Variants in SLC14A2 observed in about 807,000 individuals in gnomAD.
SLC14A2 encodes urea transporter 2.
A neutral mutation model predicts 104.6 loss-of-function variants in SLC14A2; 91 were observed. The ratio of observed to expected loss-of-function variants is 0.87; its 90% CI spans 0.73 to 1.04. The LOEUF (loss-of-function observed/expected upper bound fraction) is 1.04, where lower values mean the gene tolerates loss of function less well. SLC14A2 is among the 50% of genes least tolerant of loss of function. The pLI, the probability that SLC14A2 is intolerant of heterozygous loss-of-function variation, is 0.00. For missense variants in SLC14A2, 1,189 were observed against 1,156.0 expected (o/e 1.03, Z -0.41); for synonymous variants, 476 against 466.4 (o/e 1.02, Z -0.27).
chr18:45,476,851 C>G (rs2087391162), intron 1 of SLC14A2, among the ~76,000 whole-genome samples: 1 of 152,222 alleles, frequency 6.6e-6, no homozygotes, highest in Non-Finnish European at 1.5e-5. Flanking sequence ...ATGTTCTTCT[C>G]TAAACTGGTT....
intron 10 of SLC14A2, among the ~76,000 whole-genome samples, chr18:45,658,170 T>C (rs542755420): frequency 6.6e-6 from 1 of 152,296 alleles, no homozygotes; most frequent in East Asian, 1.9e-4. Flanking sequence ...CCCAGGAAGC[T>C]GGGGAGGGAT....
chr18:45,361,991 A>G (rs2085616577), intron 1 of SLC14A2, among the ~76,000 whole-genome samples: 1 of 152,154 alleles, frequency 6.6e-6, no homozygotes, highest in Non-Finnish European at 1.5e-5. Flanking sequence ...CCCAAATCTC[A>G]TATCGAATTA....
At chr18:45,460,561 CT>C (rs1197118143) in intron 1 of SLC14A2, among the ~76,000 whole-genome samples, 2 of 152,162 alleles carry the variant, frequency 1.3e-5, no homozygotes, top group Non-Finnish European at 2.9e-5. Flanking sequence ...CTAAGAAAGC[CT>C]TAATAAAGTT....
At chr18:45,221,240 G>A (rs1307187533) in intron 1 of SLC14A2, among the ~76,000 whole-genome samples, 3 of 152,172 alleles carry the variant, frequency 2.0e-5, no homozygotes, top group African/African-American at 7.2e-5. Context: ...TCTAAATGTT[G>A]TCTTTGCTCT....
intron 1 of SLC14A2, among the ~76,000 whole-genome samples, chr18:45,617,927 C>T (rs759651686): frequency 3.3e-4 from 50 of 152,140 alleles, no homozygotes; most frequent in Non-Finnish European, 6.0e-4. Flanking sequence ...GAAGGACAAT[C>T]AAGCAGACTG....
chr18:45,193,707 T>C, the SLC14A2 span, among the ~76,000 whole-genome samples: 1 of 152,218 alleles, frequency 6.6e-6, no homozygotes, highest in Non-Finnish European at 1.5e-5. Context: ...TTTCTTTGTA[T>C]TTCCAGACAA....
intron 1 of SLC14A2, among the ~76,000 whole-genome samples, chr18:45,245,042 C>T (rs1303219949): frequency 6.6e-6 from 1 of 152,194 alleles, no homozygotes; most frequent in South Asian, 2.1e-4. Context: ...ATGTGCCATA[C>T]TCAGACATAC....
intron 2 of SLC14A2, among the ~76,000 whole-genome samples, chr18:45,488,088 T>C (rs946235820): frequency 6.6e-6 from 1 of 152,142 alleles, no homozygotes; most frequent in Admixed American, 6.5e-5. Flanking sequence ...GACTCAGAAC[T>C]TAGGAATCAG....
In SLC14A2 at chr18:45,346,960, CAAAAAT is replaced by C. The variant is rs573147095; in HGVS notation, c.-125+133791_-125+133796del. ...CCAGCCTGGGCAACACAGCGAGACT[CAAAAAT>C]AAAAATAAAAATAAAAATAAATAAA... is the stretch of plus-strand genomic sequence containing the variant. On this transcript the variant is annotated intron_variant, in intron 1 of 20. Coordinates refer to the SLC14A2 transcript ENST00000586448. Among the ~76,000 whole-genome samples, 333 of 148,594 alleles carry C rather than the reference CAAAAAT, an allele frequency of 2.2e-3. 1 individual carries two copies. Among genetic ancestry groups the C allele is most frequent in the African/African-American group, 7.4e-3 (297 of 39,914 alleles).
At chr18:45,680,339 A>G (rs2046293667) in intron 19 of SLC14A2, among the ~76,000 whole-genome samples, 1 of 152,216 alleles carries the variant, frequency 6.6e-6, no homozygotes, top group Non-Finnish European at 1.5e-5. Flanking sequence ...CAGAGAAGTT[A>G]CAGATTAGAC....
chr18:45,446,745 A>G (rs572715508), intron 1 of SLC14A2, among the ~76,000 whole-genome samples: 8 of 152,332 alleles, frequency 5.3e-5, no homozygotes, highest in African/African-American at 1.7e-4. Flanking sequence ...ACTGGTCCAC[A>G]CTATAGGTGA....
chr18:45,244,308 C>G (rs1206155419), intron 1 of SLC14A2, among the ~76,000 whole-genome samples: 1 of 151,962 alleles, frequency 6.6e-6, no homozygotes, highest in Non-Finnish European at 1.5e-5. Context: ...ATAGTTATTT[C>G]AAACTCTTTT....
At chr18:45,645,093 A>G (rs1021659631) in intron 10 of SLC14A2, among the ~76,000 whole-genome samples, 1 of 151,928 alleles carries the variant, frequency 6.6e-6, no homozygotes, top group Non-Finnish European at 1.5e-5. Context: ...TTCAACTCCC[A>G]CTTATAAGTG....
intron 1 of SLC14A2, among the ~76,000 whole-genome samples, chr18:45,447,088 G>A (rs2144599645): frequency 6.6e-6 from 1 of 152,220 alleles, no homozygotes; most frequent in African/African-American, 2.4e-5. Flanking sequence ...CTTGTTCTTT[G>A]GCCATAGCTC....
chr18:45,350,757 G>T (rs949290882), intron 1 of SLC14A2, among the ~76,000 whole-genome samples: 6 of 149,518 alleles, frequency 4.0e-5, no homozygotes, highest in African/African-American at 1.5e-4. Context: ...ACAAGGAAAA[G>T]ATTTATCCAG....
chr18:45,603,334 G>T (rs576782008), intron 2 of SLC14A2, among the ~76,000 whole-genome samples: 1 of 152,028 alleles, frequency 6.6e-6, no homozygotes, highest in Admixed American at 6.6e-5. Context: ...ATAAGAACAT[G>T]CGTGTGGTTT....
chr18:45,406,069 C>G (rs2144472495), intron 1 of SLC14A2, among the ~76,000 whole-genome samples: 1 of 152,200 alleles, frequency 6.6e-6, no homozygotes, highest in South Asian at 2.1e-4. Context: ...GACTGTTGTT[C>G]TCATAAGAGA....
rs2046328142 is a variant in SLC14A2 at position 45,682,636 on chromosome 18, C to G, written c.*117C>G. The G allele has an allele frequency of 1.3e-6, 1 of 788,420 alleles. No homozygotes were observed. Among genetic ancestry groups the G allele is most frequent in the South Asian group, 1.5e-5 (1 of 66,426 alleles). The allele number at this position is 788,420 out of a possible 1,614,324, so 48.8% of individuals were successfully genotyped here. A position where few individuals can be genotyped will look rare whatever the true frequency, so the allele number is the denominator to read the frequency against. On this transcript the variant is annotated 3_prime_UTR_variant, in exon 20 of 20. Coordinates refer to ENST00000255226, the MANE Select transcript of SLC14A2 (RefSeq NM_007163.4). ...TCTGTTCTGTGACTCTCTCCCCAAA[C>G]ACAAAGAAGCGTGTATGTAGTCACC... is the stretch of plus-strand genomic sequence containing the variant.
intron 1 of SLC14A2, chr18:45,435,356 T>C (rs945807771): frequency 6.6e-6 from 1 of 152,204 alleles, no homozygotes; most frequent in African/African-American, 2.4e-5. Flanking sequence ...GAGAGGAGCT[T>C]AAATTACTTT....
Sources: allele counts gnomAD v4.1 joint callset (sites outside exome capture counted in the v4.1 genomes callset), GRCh38; gene constraint gnomAD v4.1.1; transcripts MANE v1.5; gene names NCBI Gene and HGNC (gene_info 2026-07-23, HGNC 2026-07-21).